The following RANBP17 variants were observed in gnomAD, a reference collection of about 807,000 sequenced individuals.
RANBP17 encodes RAN binding protein 17.
In RANBP17, 158 loss-of-function variants were observed where a neutral mutation model predicts 141.2. The observed-to-expected ratio is 1.12, with a 90% confidence interval of 0.98 to 1.28. The LOEUF (loss-of-function observed/expected upper bound fraction) is 1.28, where lower values mean the gene tolerates loss of function less well. RANBP17 is among the 50% of genes most tolerant of loss of function. RANBP17 has a pLI of 0.00. For missense variants in RANBP17, 1,438 were observed against 1,290.7 expected (o/e 1.11, Z -1.75); for synonymous variants, 430 against 450.0 (o/e 0.96, Z 0.56).
rs570430487 is a variant in RANBP17 at position 171,271,847 on chromosome 5, A to G, written c.2943+6000A>G. On this transcript the variant is annotated intron_variant, in intron 25 of 27. Transcript: ENST00000523189. ...GTGCTACAATCTTGGTTTTAACAGC[A>G]ATCAATGCATATATTATGCATATAC... 2.0e-5 allele frequency among the ~76,000 whole-genome samples: 3 copies of G among 152,372 alleles called. No homozygotes were observed. In the South Asian group the frequency reaches 6.2e-4, roughly 32 times the overall value.
chr5:170,991,668 G>C (rs752270999), intron 14 of RANBP17, among the ~76,000 whole-genome samples: 17 of 151,850 alleles, frequency 1.1e-4, no homozygotes, highest in Admixed American at 9.9e-4. Flanking sequence ...CTTTTTCTGC[G>C]TATCAGTTTC....
intron 1 of RANBP17, among the ~76,000 whole-genome samples, chr5:170,869,234 C>A (rs1189103628): frequency 2.6e-5 from 4 of 152,046 alleles, no homozygotes; most frequent in Admixed American, 1.3e-4. Context: ...CAAATAATTT[C>A]CAGACTTTTC....
At chr5:171,201,506 C>G (rs1762294101) in intron 19 of RANBP17, among the ~76,000 whole-genome samples, 3 of 152,240 alleles carry the variant, frequency 2.0e-5, no homozygotes, top group Admixed American at 2.0e-4. Flanking sequence ...AAATGTTCAT[C>G]AAAAGACGCC....
At chr5:171,247,237 G>A (rs1488781652) in intron 24 of RANBP17, among the ~76,000 whole-genome samples, 2 of 152,118 alleles carry the variant, frequency 1.3e-5, no homozygotes, top group African/African-American at 2.4e-5. Context: ...TAGAGGCCTG[G>A]TAGAGATTAT....
At chr5:171,027,189 C>G (rs532301097) in intron 14 of RANBP17, among the ~76,000 whole-genome samples, 1 of 152,280 alleles carries the variant, frequency 6.6e-6, no homozygotes, top group South Asian at 2.1e-4. Flanking sequence ...CAGATTGTTT[C>G]TTTAATGAAT....
intron 12 of RANBP17, among the ~76,000 whole-genome samples, chr5:170,939,542 G>T (rs370895004): frequency 5.7e-4 from 87 of 151,854 alleles, no homozygotes; most frequent in African/African-American, 2.1e-3. Context: ...GCACCATGCC[G>T]GGCTAAATTT....
chr5:171,186,526 CTTTTTTTTTTTTTT>C lies in RANBP17; in HGVS notation c.2038+3111_2038+3124del, dbSNP rs757585137. On this transcript the variant is annotated intron_variant, in intron 18 of 27. Transcript: ENST00000523189. The stretch of plus-strand genomic sequence containing the variant: ...GAAATGTTATCACTGGTATGATTTT[CTTTTTTTTTTTTTT>C]TTTTTTTTTTTTTTGAGACGGAGTC... Among the ~76,000 whole-genome samples the C allele has an allele frequency of 1.4e-4, 6 of 41,652 alleles. 1 individual carries two copies. Among genetic ancestry groups the C allele is most frequent in the Admixed American group, 1.3e-3 (3 of 2,262 alleles). 27.3% of individuals were successfully genotyped at this position (41,652 alleles called of 152,430 possible). A position where few individuals can be genotyped will look rare whatever the true frequency, so the allele number is the denominator to read the frequency against.
chr5:171,214,468 T>C (rs909548632), intron 21 of RANBP17, among the ~76,000 whole-genome samples: 1 of 152,204 alleles, frequency 6.6e-6, no homozygotes, highest in East Asian at 1.9e-4. Flanking sequence ...AAATTACATG[T>C]CACTTAGCCA....
intron 14 of RANBP17, among the ~76,000 whole-genome samples, chr5:171,019,522 C>T (rs1210940386): frequency 2.0e-5 from 3 of 152,032 alleles, no homozygotes; most frequent in Non-Finnish European, 2.9e-5. Flanking sequence ...TCCATTTCTT[C>T]TAGATTTTCT....
At chr5:170,903,972 G>A (rs545982133) in intron 5 of RANBP17, 11 of 487,476 alleles carry the variant, frequency 2.3e-5, no homozygotes, top group South Asian at 1.5e-4. Flanking sequence ...ACTGGCGGAT[G>A]TTAACATTCC....
At chr5:171,011,779 ATAT>A (rs1780053320) in intron 14 of RANBP17, among the ~76,000 whole-genome samples, 1 of 151,966 alleles carries the variant, frequency 6.6e-6, no homozygotes, top group Non-Finnish European at 1.5e-5. Flanking sequence ...TGATATAGGA[ATAT>A]TATTTAATAC....
At chr5:171,236,675 GTTTACA>G (rs1764564915) in intron 22 of RANBP17, among the ~76,000 whole-genome samples, 1 of 152,054 alleles carries the variant, frequency 6.6e-6, no homozygotes, top group Non-Finnish European at 1.5e-5. Flanking sequence ...TATTGTCATA[GTTTACA>G]TTTATAGAGC....
chr5:170,945,432 A>G (rs73315598), intron 12 of RANBP17, among the ~76,000 whole-genome samples: 1 of 152,298 alleles, frequency 6.6e-6, no homozygotes, highest in African/African-American at 2.4e-5. Context: ...CTGAGCACTT[A>G]TAGCACTTAC....
chr5:170,952,134 G>C (rs531565558), intron 12 of RANBP17, among the ~76,000 whole-genome samples: 166 of 152,082 alleles, frequency 1.1e-3, no homozygotes, highest in African/African-American at 3.8e-3. Context: ...AGAAAGCAGG[G>C]TCATCAGAGT....
intron 14 of RANBP17, among the ~76,000 whole-genome samples, chr5:171,149,944 G>C (rs142610125): frequency 6.6e-6 from 1 of 152,144 alleles, no homozygotes; most frequent in East Asian, 1.9e-4. Context: ...AATGTATCAC[G>C]TAAGTACTAG....
At chr5:171,117,773 G>T (rs149136716) in intron 14 of RANBP17, among the ~76,000 whole-genome samples, 1 of 152,172 alleles carries the variant, frequency 6.6e-6, no homozygotes, top group East Asian at 1.9e-4. Context: ...GATTACAGAC[G>T]TGAGCCACTG....
chr5:171,243,099 A>G (rs1290555375), intron 24 of RANBP17: 8 of 355,030 alleles, frequency 2.3e-5, no homozygotes, highest in South Asian at 3.9e-5. Flanking sequence ...ACAAATGTGT[A>G]CATGTACACA....
chr5:171,185,393 C>A (rs1228600035), intron 18 of RANBP17, among the ~76,000 whole-genome samples: 1 of 152,180 alleles, frequency 6.6e-6, no homozygotes, highest in Admixed American at 6.5e-5. Context: ...AAAGATTTTT[C>A]TGTAGCATAC....
intron 12 of RANBP17, among the ~76,000 whole-genome samples, chr5:170,927,732 A>G (rs1447078052): frequency 1.3e-5 from 2 of 152,086 alleles, no homozygotes; most frequent in Non-Finnish European, 2.9e-5. Context: ...GTTGCATAGT[A>G]TTCCATAGTA....
Sources: allele counts gnomAD v4.1 joint callset (sites outside exome capture counted in the v4.1 genomes callset), GRCh38; gene constraint gnomAD v4.1.1; transcripts MANE v1.5; gene names NCBI Gene and HGNC (gene_info 2026-07-23, HGNC 2026-07-21).